The following NSD2 variants were observed in gnomAD, a reference collection of about 807,000 sequenced individuals.
NSD2 encodes nuclear receptor binding SET domain protein 2.
A neutral mutation model predicts 139.0 loss-of-function variants in NSD2; 12 were observed. That is an observed-to-expected ratio of 0.09 (90% CI 0.06 to 0.14). The LOEUF (loss-of-function observed/expected upper bound fraction) is 0.14. Ranked by LOEUF, NSD2 falls within the 10% of genes least tolerant of loss-of-function variation. The probability of loss-of-function intolerance (pLI) is 1.00; values close to 1 mark genes in which losing one functional copy is unlikely to be tolerated. For missense variants in NSD2, 1,155 were observed against 1,745.0 expected (o/e 0.66, Z 6.02); for synonymous variants, 669 against 648.7 (o/e 1.03, Z -0.48).
chr4:1,941,284 C>T (rs1347947929), intron 9 of NSD2: 3 of 1,056,532 alleles, frequency 2.8e-6, no homozygotes, highest in Non-Finnish European at 3.4e-6. Flanking sequence ...TTTCTGTTAT[C>T]ATAATTTTGG....
chr4:1,945,490 G>C (rs1723530749), intron 9 of NSD2: 1 of 1,063,562 alleles, frequency 9.4e-7, no homozygotes, highest in African/African-American at 1.6e-5. Context: ...TTAGCATCTA[G>C]TTCCAAAACC....
At chr4:1,940,221 C>T in intron 9 of NSD2, 1 of 1,077,176 alleles carries the variant, frequency 9.3e-7, no homozygotes, top group Non-Finnish European at 1.1e-6. Flanking sequence ...GCTTCCAGAC[C>T]TAGGCTCATG....
rs1396374604 is a variant in NSD2, at chr4:1,980,976, G to A, written c.*2067G>A. 1 of 233,174 alleles carries A rather than the reference G, an allele frequency of 4.3e-6. No individual in the cohort carries two copies. The allele number at this position is 233,174 out of a possible 1,614,324, so 14.4% of individuals were successfully genotyped here. On this transcript the variant is annotated 3_prime_UTR_variant, in exon 22 of 22. Transcript: ENST00000508803. ...TTAGAGTCGAAGGCCCCAGGGCCCC[G>A]CTGTCACTTGCCCAAAAGATCCCTT...
At chr4:1,952,316 C>T in intron 11 of NSD2, 85 bp downstream of exon 11, 4 of 1,573,254 alleles carry the variant, frequency 2.5e-6, no homozygotes, top group South Asian at 2.4e-5. Flanking sequence ...CCCTGAGCTG[C>T]CTGCAGAGGA....
chr4:1,878,616 A>G (rs1714478361), intron 1 of NSD2, among the ~76,000 whole-genome samples: 1 of 152,054 alleles, frequency 6.6e-6, no homozygotes, highest in Non-Finnish European at 1.5e-5. Context: ...GCATTCAGTG[A>G]CTATTTGAAT....
chr4:1,879,867 C>T (rs1463092888), intron 1 of NSD2, among the ~76,000 whole-genome samples: 1 of 149,132 alleles, frequency 6.7e-6, no homozygotes, highest in Non-Finnish European at 1.5e-5. Context: ...TGTTTTCTCC[C>T]AAGTTTGTCA....
chr4:1,921,420 C>T (rs1386449925), intron 5 of NSD2, among the ~76,000 whole-genome samples: 1 of 151,690 alleles, frequency 6.6e-6, no homozygotes, highest in African/African-American at 2.4e-5. Flanking sequence ...GATCGTGCCA[C>T]TGCACTCCAG....
chr4:1,945,039 C>G, intron 9 of NSD2: 1 of 1,066,044 alleles, frequency 9.4e-7, no homozygotes, highest in South Asian at 4.6e-5. Flanking sequence ...GTGCAGAGTC[C>G]TTGGACAGGA....
At chr4:1,960,511 T>C (rs1725258540) in intron 17 of NSD2, among the ~76,000 whole-genome samples, 1 of 152,218 alleles carries the variant, frequency 6.6e-6, no homozygotes, top group Admixed American at 6.5e-5. Flanking sequence ...CTGCTGACCC[T>C]GATGTATTTT....
intron 17 of NSD2, 53 bp from the exon 18 acceptor site, chr4:1,960,982 C>A: frequency 1.3e-6 from 2 of 1,485,028 alleles, no homozygotes; most frequent in Non-Finnish European, 1.9e-6. Context: ...AGCCCCGACA[C>A]TGAGGATTGG....
chr4:1,906,640 TTC>T (rs1325263180), intron 3 of NSD2, among the ~76,000 whole-genome samples: 5 of 149,922 alleles, frequency 3.3e-5, no homozygotes, highest in East Asian at 2.0e-4. Flanking sequence ...CCATTTTTAC[TTC>T]TCTCTCTCTC....
rs1056958964 is a variant in NSD2 at position 1,973,550 on chromosome 4, T to G, written c.3373-1313T>G. ...ACTCTGGGTTGATTAGTGCATTTTATTATTGTGAAAAGCATCTTGCAGAGA... is the reference window on the plus strand; with the variant it reads ...ACTCTGGGTTGATTAGTGCATTTTAGTATTGTGAAAAGCATCTTGCAGAGA... On this transcript the variant is annotated intron_variant, in intron 18 of 21. Transcript: ENST00000508803. The surrounding 1 kb of genome is among the most constrained non-coding windows in gnomAD (Gnocchi z 5.5). 3.3e-5 allele frequency among the ~76,000 whole-genome samples: 5 copies of G among 151,776 alleles called. No individual in the cohort carries two copies. Among genetic ancestry groups the G allele is most frequent in the African/African-American group, 1.2e-4 (5 of 41,438 alleles).
In NSD2 at chr4:1,958,159, C is replaced by T; in HGVS notation, c.2985+123C>T. The T allele has an allele frequency of 1.0e-6, 1 of 972,392 alleles. No homozygotes were observed. Among genetic ancestry groups the T allele is most frequent in the Non-Finnish European group, 1.5e-6 (1 of 645,642 alleles). 60.2% of individuals were successfully genotyped at this position (972,392 alleles called of 1,614,324 possible). ...CTGTCACCAGCCAGGATCTGTGGTG[C>T]CTGGCATGGATGGCCACACAAGAGA... On this transcript the variant is annotated intron_variant, in intron 16 of 21. Transcript: ENST00000508803. This position sits in a 1 kb window ranked among gnomAD's most constrained non-coding sequence, Gnocchi z 4.6.
At position 1,976,747 on chromosome 4, in the gene NSD2, C is replaced by A; in HGVS notation, c.3826+68C>A. On this transcript the variant is annotated intron_variant, in intron 21 of 21. Transcript: ENST00000508803. The surrounding 1 kb of genome is among the most constrained non-coding windows in gnomAD (Gnocchi z 5.3). ...GGCAGGCTCCTGATGGCGGCTGCTG[C>A]CGCTCTTCCTGCTGACCGGGCCTCA... The A allele has an allele frequency of 1.3e-6, 2 of 1,485,438 alleles. No individual in the cohort carries two copies. Among genetic ancestry groups the A allele is most frequent in the Non-Finnish European group, 9.0e-7 (1 of 1,107,054 alleles). 92.0% of individuals were successfully genotyped at this position (1,485,438 alleles called of 1,614,324 possible).
In NSD2 at chr4:1,918,315, G is replaced by A. The variant is rs1292228347; in HGVS notation, c.1102G>A (p.Glu368Lys). 6.2e-7 allele frequency: 1 copy of A among 1,614,094 alleles called. No homozygotes were observed. Among genetic ancestry groups the A allele is most frequent in the African/African-American group, 1.3e-5 (1 of 75,050 alleles). The change falls in exon 5 of 22, where the codon GAG becomes AAG. Residue 368 changes from glutamate to lysine, a missense_variant. Physicochemically the swap from Glu to Lys is moderately conservative, Grantham distance 56 (BLOSUM62 1). This residue lies in a region of NSD2 where 420 missense variants were observed against 469.0 expected (regional missense o/e 0.90). Transcript: ENST00000508803. ...AGCCAAGGAGGCTGGCATTGCTGCA[G>A]AGTCTTTGGGAGAAATGGCAGAATC... ...QVAKEAGIAA[E>K]SLGEMAESSG...
chr4:1,909,757 C>G (rs1382310654), intron 3 of NSD2, among the ~76,000 whole-genome samples: 4 of 151,754 alleles, frequency 2.6e-5, no homozygotes, highest in African/African-American at 9.7e-5. Flanking sequence ...TCTCCTGTCT[C>G]AGCCTCCCGA....
chr4:1,945,924 T>G (rs1165299628), intron 9 of NSD2: 1 of 1,057,472 alleles, frequency 9.5e-7, no homozygotes, highest in East Asian at 5.2e-5. Context: ...TTCTCTAACA[T>G]CTAGCCCTTT....
At chr4:1,887,087 C>T (rs1197333264) in intron 1 of NSD2, among the ~76,000 whole-genome samples, 1 of 152,064 alleles carries the variant, frequency 6.6e-6, no homozygotes, top group South Asian at 2.1e-4. Context: ...ACATGGTTTG[C>T]CAGGGTTAGC....
Position 1,939,699 on chromosome 4 carries a change from A to T in NSD2, c.1802A>T (p.Asn601Ile). The T allele has an allele frequency of 6.2e-7, 1 of 1,614,258 alleles. No homozygotes were observed. The highest frequency in any genetic ancestry group is 2.2e-5 in the East Asian group (1 of 44,892). The change falls in exon 9 of 22, where the codon AAT (asparagine) becomes ATT (isoleucine). Residue 601 changes from asparagine to isoleucine, a missense_variant. This residue lies in a region of NSD2 where 420 missense variants were observed against 469.0 expected (regional missense o/e 0.90). Transcript: ENST00000508803. ...GCATGTAAACCACTGAAGAAGCGAA[A>T]TCGGGCTTCCACGGCAGCATCTTCA... ...SDACKPLKKR[N>I]RASTAASSAL... is the part of the protein sequence containing the mutation.
Sources: gnomAD v4.1 joint callset for allele counts (sites outside exome capture counted in the v4.1 genomes callset) on GRCh38, gnomAD v4.1.1 for gene constraint, gnomAD v4.1.1 regional missense constraint, Gnocchi (gnomAD v3.1) non-coding constraint, MANE v1.5 for transcripts, NCBI Gene and HGNC (gene_info 2026-07-23, HGNC 2026-07-21) for gene names.